Variants in GRID1 observed in about 807,000 individuals in gnomAD.
The protein encoded by GRID1 is glutamate ionotropic receptor delta type subunit 1.
A neutral mutation model predicts 98.0 loss-of-function variants in GRID1; 28 were observed. The observed-to-expected ratio is 0.29, with a 90% confidence interval of 0.21 to 0.39. GRID1 has a LOEUF of 0.39. GRID1 is among the 10% of genes least tolerant of loss of function. The pLI is 1.00. For synonymous variants in GRID1, 553 were observed against 538.5 expected, an observed-to-expected ratio of 1.03 and a Z score of -0.37; for missense variants, 1,111 against 1,340.5, an observed-to-expected ratio of 0.83 and a Z score of 2.67.
At chr10:86,166,819 G>A (rs1388764655) in intron 3 of GRID1, among the ~76,000 whole-genome samples, 1 of 152,142 alleles carries the variant, frequency 6.6e-6, no homozygotes, top group Non-Finnish European at 1.5e-5. Context: ...CACACTATTT[G>A]CGGCAGGCTT....
intron 5 of GRID1, among the ~76,000 whole-genome samples, chr10:85,885,541 G>A (rs1043243768): frequency 1.3e-5 from 2 of 152,130 alleles, no homozygotes; most frequent in African/African-American, 2.4e-5. Flanking sequence ...TGCTAATTAT[G>A]AGAACAATAA....
intron 2 of GRID1, among the ~76,000 whole-genome samples, chr10:86,209,911 C>A (rs1039314770): frequency 6.6e-6 from 1 of 152,202 alleles, no homozygotes; most frequent in African/African-American, 2.4e-5. Flanking sequence ...GTTTCCCCAT[C>A]TGGGCATGCA....
At chr10:85,941,014 A>AC (rs1399807905) in intron 4 of GRID1, among the ~76,000 whole-genome samples, 1 of 152,184 alleles carries the variant, frequency 6.6e-6, no homozygotes, top group African/African-American at 2.4e-5. Flanking sequence ...GGATGGGGAG[A>AC]CTGGAGAAGA....
intron 2 of GRID1, among the ~76,000 whole-genome samples, chr10:86,345,691 G>A (rs1197424753): frequency 1.3e-5 from 2 of 152,194 alleles, no homozygotes; most frequent in Non-Finnish European, 2.9e-5. Context: ...TAAGGGCCTA[G>A]ATGGAGGCAC....
At chr10:86,342,580 A>G (rs1848324157) in intron 2 of GRID1, among the ~76,000 whole-genome samples, 1 of 152,226 alleles carries the variant, frequency 6.6e-6, no homozygotes, top group Admixed American at 6.5e-5. Context: ...CGGGCTGGCC[A>G]TGCCCCCAGG....
At chr10:86,086,424 G>C (rs568729772) in intron 4 of GRID1, among the ~76,000 whole-genome samples, 251 of 152,276 alleles carry the variant, frequency 1.6e-3, no homozygotes, top group African/African-American at 5.9e-3. Flanking sequence ...GATCTATCAG[G>C]AGATTGCTTT....
At chr10:86,172,961 G>A (rs572776869) in intron 3 of GRID1, among the ~76,000 whole-genome samples, 1 of 152,148 alleles carries the variant, frequency 6.6e-6, no homozygotes, top group African/African-American at 2.4e-5. Context: ...AAATTAAGTT[G>A]AAGAAAATCT....
At position 86,168,355 on chromosome 10, in the gene GRID1, C is replaced by A. The variant is rs149526592; in HGVS notation, c.521-29331G>T. On this transcript the variant is annotated intron_variant, in intron 3 of 15. Transcript: ENST00000327946. ...CCGAGGAGACAATGCAGGCAAGGGG[C>A]GTGACCCCAGGCTGGGAAAAGTGAA... 2.5e-3 allele frequency among the ~76,000 whole-genome samples: 387 copies of A among 152,294 alleles called. 3 individuals carry two copies. The highest frequency in any genetic ancestry group is 8.8e-3 in the African/African-American group (367 of 41,564).
At chr10:85,817,646 C>A (rs1230880557) in intron 8 of GRID1, among the ~76,000 whole-genome samples, 1 of 152,182 alleles carries the variant, frequency 6.6e-6, no homozygotes, top group Non-Finnish European at 1.5e-5. Context: ...GTAATCCCAG[C>A]ACTTTGGGAG....
At chr10:86,262,150 G>C (rs1037722327) in intron 2 of GRID1, among the ~76,000 whole-genome samples, 18 of 152,246 alleles carry the variant, frequency 1.2e-4, no homozygotes, top group Admixed American at 4.6e-4. Flanking sequence ...GAGGAAGCAG[G>C]GGAAGAAAGG....
At chr10:86,096,703 C>T (rs975161974) in intron 4 of GRID1, among the ~76,000 whole-genome samples, 1 of 152,218 alleles carries the variant, frequency 6.6e-6, no homozygotes, top group Non-Finnish European at 1.5e-5. Flanking sequence ...TGTTACCCAT[C>T]ATCTTGAAGC....
intron 14 of GRID1, among the ~76,000 whole-genome samples, chr10:85,617,232 C>T (rs955320779): frequency 1.4e-5 from 2 of 145,022 alleles, no homozygotes; most frequent in South Asian, 2.5e-4. Flanking sequence ...AAAGCCCCCC[C>T]CCCCTTTTAT....
intron 2 of GRID1, among the ~76,000 whole-genome samples, chr10:86,298,642 T>C (rs1193855813): frequency 6.6e-6 from 1 of 152,142 alleles, no homozygotes; most frequent in African/African-American, 2.4e-5. Context: ...CCTTCAGGAC[T>C]CATCCTGGAG....
intron 8 of GRID1, among the ~76,000 whole-genome samples, chr10:85,807,116 G>A (rs1842629571): frequency 6.6e-6 from 1 of 152,118 alleles, no homozygotes. Context: ...TTGGGAGGCT[G>A]AGGTGGGTGG....
At chr10:86,078,651 A>G (rs1262804644) in intron 4 of GRID1, among the ~76,000 whole-genome samples, 2 of 152,268 alleles carry the variant, frequency 1.3e-5, no homozygotes, top group East Asian at 1.9e-4. Context: ...CCCTGCCTTC[A>G]GCACCGGACC....
chr10:85,721,061 G>GAT (rs1456809273), intron 12 of GRID1, among the ~76,000 whole-genome samples: 3 of 152,014 alleles, frequency 2.0e-5, no homozygotes, highest in East Asian at 3.8e-4. Context: ...TATTGAAGGG[G>GAT]ATATATACAT....
intron 3 of GRID1, among the ~76,000 whole-genome samples, chr10:86,182,084 T>C (rs1845663787): frequency 6.6e-6 from 1 of 152,210 alleles, no homozygotes; most frequent in South Asian, 2.1e-4. Context: ...CCTGCATCAA[T>C]TCCACATCAG....
intron 7 of GRID1, 92 bp from the exon 8 acceptor site, chr10:85,854,707 G>C: frequency 2.3e-6 from 3 of 1,306,838 alleles, no homozygotes; most frequent in Non-Finnish European, 3.3e-6. Context: ...TGGTCACCAA[G>C]AACGGAGCAA....
At chr10:86,039,190 C>T (rs1843312092) in intron 4 of GRID1, among the ~76,000 whole-genome samples, 1 of 152,164 alleles carries the variant, frequency 6.6e-6, no homozygotes, top group African/African-American at 2.4e-5. Context: ...AGGACCTTGT[C>T]ATTCCTCACT....
Sources: gnomAD v4.1 joint callset for allele counts (sites outside exome capture counted in the v4.1 genomes callset) on GRCh38, gnomAD v4.1.1 for gene constraint, MANE v1.5 for transcripts, NCBI Gene and HGNC (gene_info 2026-07-23, HGNC 2026-07-21) for gene names.